PLCB4: variants seen among roughly 807,000 people sequenced by gnomAD.
PLCB4 encodes the protein 1-phosphatidylinositol 4,5-bisphosphate phosphodiesterase beta-4.
PLCB4 carries 77 observed loss-of-function variants against 178.8 expected under a neutral mutation model. The ratio of observed to expected loss-of-function variants is 0.43; its 90% CI spans 0.36 to 0.52. The LOEUF (loss-of-function observed/expected upper bound fraction) is 0.52, where lower values mean the gene tolerates loss of function less well. PLCB4 is among the 20% of genes least tolerant of loss of function. The pLI, the probability that PLCB4 is intolerant of heterozygous loss-of-function variation, is 0.00. For missense variants in PLCB4, 1,024 were observed against 1,453.4 expected, an observed-to-expected ratio of 0.70 and a Z score of 4.80; for synonymous variants, 496 against 490.8, an observed-to-expected ratio of 1.01 and a Z score of -0.14.
intron 2 of PLCB4, among the ~76,000 whole-genome samples, chr20:9,164,100 A>C (rs1423609328): frequency 1.3e-5 from 2 of 152,178 alleles, no homozygotes; most frequent in Non-Finnish European, 2.9e-5. Flanking sequence ...TTTTCAATAA[A>C]CTTGTTTTAC....
At position 9,373,333 on chromosome 20, in the gene PLCB4, A is replaced by G. The variant is rs186045739; in HGVS notation, c.744+229A>G. 1.1e-4 allele frequency among the ~76,000 whole-genome samples: 16 copies of G among 152,268 alleles called. No individual in the cohort carries two copies. In the South Asian group the frequency reaches 2.1e-3, roughly 20 times the overall value. On this transcript the variant is annotated intron_variant, in intron 12 of 39. Transcript: ENST00000378473. Reference sequence around the variant, plus strand: ...CTTTTTGTTGGTTTCTGGCTGTTACATGTAGCTCTGGTTCTGTGTGTATGT... The same window carrying G: ...CTTTTTGTTGGTTTCTGGCTGTTACGTGTAGCTCTGGTTCTGTGTGTATGT...
chr20:9,354,804 A>G (rs961470414), intron 7 of PLCB4, among the ~76,000 whole-genome samples: 2 of 152,264 alleles, frequency 1.3e-5, no homozygotes, highest in Non-Finnish European at 2.9e-5. Flanking sequence ...GCAGAATCTC[A>G]GTGCAGATGC....
rs142410584 is a variant in PLCB4, at chr20:9,098,646, G to A, written c.-79+2304G>A. On this transcript the variant is annotated intron_variant, in intron 2 of 39. Transcript: ENST00000378473. ...CATATATATATACACATATATATAC[G>A]TATATATGTTAGTCTCATATATATG... Among the ~76,000 whole-genome samples, 797 of 148,654 alleles carry A rather than the reference G, an allele frequency of 5.4e-3. 4 individuals are homozygous for A. Among genetic ancestry groups the A allele is most frequent in the African/African-American group, 0.017 (696 of 40,202 alleles).
intron 3 of PLCB4, among the ~76,000 whole-genome samples, chr20:9,296,224 C>T (rs150391080): frequency 0.023 from 3,430 of 152,064 alleles, 146 homozygotes; most frequent in African/African-American, 0.078. Flanking sequence ...TCTCAAAAGA[C>T]GACATTTATG....
intron 7 of PLCB4, among the ~76,000 whole-genome samples, chr20:9,344,277 C>A (rs142595812): frequency 6.6e-6 from 1 of 152,302 alleles, no homozygotes; most frequent in South Asian, 2.1e-4. Flanking sequence ...ACAGCCCTCA[C>A]GTGTCTGCTG....
In PLCB4 at chr20:9,468,698, G is replaced by A. The variant is rs757205698; in HGVS notation, c.3350+26G>A. ...GTAAGTCTGAGAGTGTTCACTGCAG[G>A]AATATGGCATTGACTTGAGGACACA... On this transcript the variant is annotated intron_variant, in intron 36 of 39. Transcript: ENST00000378473. 33 of 1,285,826 alleles carry A rather than the reference G, an allele frequency of 2.6e-5. No homozygotes were observed. The South Asian group carries it at 3.3e-4, about 13-fold the overall frequency. 79.7% of individuals were successfully genotyped at this position (1,285,826 alleles called of 1,614,324 possible). A position where few individuals can be genotyped will look rare whatever the true frequency, so the allele number is the denominator to read the frequency against.
intron 14 of PLCB4, among the ~76,000 whole-genome samples, chr20:9,386,809 CT>C (rs2037703791): frequency 1.9e-5 from 2 of 107,024 alleles, no homozygotes; most frequent in Admixed American, 2.3e-4. Flanking sequence ...TCCCTCCCCC[CT>C]CCCCCCACCC....
intron 2 of PLCB4, among the ~76,000 whole-genome samples, chr20:9,182,301 T>C (rs1447065929): frequency 6.6e-6 from 1 of 152,186 alleles, no homozygotes; most frequent in Non-Finnish European, 1.5e-5. Flanking sequence ...ATCCTTAGGC[T>C]ATCAATCACC....
At position 9,268,045 on chromosome 20, in the gene PLCB4, G is replaced by A. The variant is rs367861744; in HGVS notation, c.-15-39755G>A. On this transcript the variant is annotated intron_variant, in intron 3 of 39. Transcript: ENST00000378473. ...TCACCAGATGCAGCTGCCTGACTTG[G>A]GACTTCTCCACCTCCATAACTGTAA... 7.2e-5 allele frequency among the ~76,000 whole-genome samples: 11 copies of A among 152,128 alleles called. No homozygotes were observed. In the East Asian group the frequency reaches 1.9e-3, roughly 27 times the overall value.
At chr20:9,344,919 T>C (rs990874078) in intron 7 of PLCB4, among the ~76,000 whole-genome samples, 1 of 152,226 alleles carries the variant, frequency 6.6e-6, no homozygotes, top group Non-Finnish European at 1.5e-5. Context: ...TACTAACAAA[T>C]TGCTGTCATA....
At position 9,464,362 on chromosome 20, in the gene PLCB4, T is replaced by G. The variant is rs554411779; in HGVS notation, c.3249-4209T>G. On this transcript the variant is annotated intron_variant, in intron 35 of 39. Coordinates refer to ENST00000378473, the MANE Select transcript of PLCB4 (RefSeq NM_001377142.1). ...AAAATTGACACCCTAACGTCACAAT[T>G]AAAAGAACTAGAGACGCAAGAGCAA... Among the ~76,000 whole-genome samples the G allele has an allele frequency of 2.6e-5, 4 of 152,084 alleles. No homozygotes were observed. In the East Asian group the frequency reaches 5.8e-4, roughly 22 times the overall value.
chr20:9,304,934 C>T (rs377168136), intron 3 of PLCB4, among the ~76,000 whole-genome samples: 16 of 150,592 alleles, frequency 1.1e-4, no homozygotes, highest in South Asian at 2.1e-4. Context: ...ATGTGCACAA[C>T]GAGCAGGTTA....
At chr20:9,323,535 T>C (rs73897377) in intron 4 of PLCB4, among the ~76,000 whole-genome samples, 8,200 of 152,306 alleles carry the variant, frequency 0.054, 717 homozygotes, top group African/African-American at 0.18. Context: ...CTGAAATTCA[T>C]TGATATTTCC....
At position 9,395,571 on chromosome 20, in the gene PLCB4, C is replaced by T. The variant is rs1200045846; in HGVS notation, c.1463C>T (p.Ser488Phe). The change falls in exon 19 of 40, where the codon TCC becomes TTC. Residue 488 changes from serine to phenylalanine, a missense_variant. Physicochemically the swap from Ser to Phe is radical, Grantham distance 155. This residue lies in a region of PLCB4 where 263 missense variants were observed against 417.4 expected (regional missense o/e 0.63). Transcript: ENST00000378473. ...ATGATGGAAGCTGGAGAATCTGCCT[C>T]CCCAGCAAACATCTTAGAGGACGAT... The part of the protein sequence containing the change: ...RSMMEAGESA[S>F]PANILEDDNE... The T allele has an allele frequency of 1.2e-6, 2 of 1,613,698 alleles. No individual in the cohort carries two copies. The highest frequency in any genetic ancestry group is 3.3e-5 in the Admixed American group (2 of 60,012).
intron 2 of PLCB4, among the ~76,000 whole-genome samples, chr20:9,156,338 G>T (rs1318201846): frequency 6.6e-6 from 1 of 152,092 alleles, no homozygotes; most frequent in Non-Finnish European, 1.5e-5. Flanking sequence ...CACTAACTAT[G>T]TGCTAGGTAC....
At chr20:9,361,281 G>A (rs2035303048) in intron 7 of PLCB4, among the ~76,000 whole-genome samples, 1 of 152,192 alleles carries the variant, frequency 6.6e-6, no homozygotes, top group African/African-American at 2.4e-5. Context: ...GAATGGATGA[G>A]TGTATTATTC....
intron 7 of PLCB4, among the ~76,000 whole-genome samples, chr20:9,360,817 A>G (rs2035256288): frequency 6.6e-6 from 1 of 152,176 alleles, no homozygotes; most frequent in Non-Finnish European, 1.5e-5. Flanking sequence ...TTTCGATGCT[A>G]TTTACAGCTC....
chr20:9,195,941 A>G (rs2093466669), intron 2 of PLCB4, among the ~76,000 whole-genome samples: 1 of 152,146 alleles, frequency 6.6e-6, no homozygotes, highest in Non-Finnish European at 1.5e-5. Context: ...TGAAAAACAA[A>G]GAGGTTTTGG....
chr20:9,386,483 T>A (rs7264865), intron 14 of PLCB4, among the ~76,000 whole-genome samples: 2,583 of 152,230 alleles, frequency 0.017, 80 homozygotes, highest in African/African-American at 0.059. Context: ...ATACTTTATT[T>A]TTTTAATTCA....
Sources: allele counts gnomAD v4.1 joint callset (sites outside exome capture counted in the v4.1 genomes callset), GRCh38; gene constraint gnomAD v4.1.1; regional missense constraint gnomAD v4.1.1; transcripts MANE v1.5; gene names NCBI Gene and HGNC (gene_info 2026-07-23, HGNC 2026-07-21).